KDELR2: variants seen among roughly 807,000 people sequenced by gnomAD.
The protein encoded by KDELR2 is KDEL endoplasmic reticulum protein retention receptor 2, also known as ER lumen protein-retaining receptor 2.
In KDELR2, 15 loss-of-function variants were observed where a neutral mutation model predicts 23.9. The observed-to-expected ratio is 0.63, with a 90% CI of 0.42 to 0.97. The LOEUF (loss-of-function observed/expected upper bound fraction) is 0.97. KDELR2 is among the 50% of genes least tolerant of loss of function. The probability of loss-of-function intolerance (pLI) is 0.00; values close to 1 mark genes in which losing one functional copy is unlikely to be tolerated. For missense variants in KDELR2, 272 were observed against 254.6 expected (o/e 1.07, Z -0.46); for synonymous variants, 119 against 106.2 (o/e 1.12, Z -0.74).
At chr7:6,466,034 G>A (rs1482358214) in intron 4 of KDELR2, 37 bp downstream of exon 4, 16 of 1,604,966 alleles carry the variant, frequency 1.0e-5, no homozygotes, top group South Asian at 3.3e-5. Context: ...AAAAGAACAC[G>A]TCACTCTAGA....
intron 2 of KDELR2, among the ~76,000 whole-genome samples, chr7:6,472,565 G>A (rs957309209): frequency 1.3e-5 from 2 of 152,096 alleles, no homozygotes; most frequent in African/African-American, 4.8e-5. Context: ...TTTTAAGTAA[G>A]CTCATTATTT....
intron 2 of KDELR2, among the ~76,000 whole-genome samples, chr7:6,473,496 G>A (rs1785694900): frequency 6.6e-6 from 1 of 152,132 alleles, no homozygotes; most frequent in African/African-American, 2.4e-5. Context: ...GTTAGGTGGT[G>A]TGCAAACATT....
intron 4 of KDELR2, among the ~76,000 whole-genome samples, chr7:6,464,197 C>CAAAAAAAAAAAA (rs758537707): frequency 2.6e-5 from 1 of 38,764 alleles, no homozygotes; most frequent in Non-Finnish European, 4.0e-5. Flanking sequence ...AACTCTGTCT[C>CAAAAAAAAAAAA]AAAAAAAAAA....
chr7:6,474,579 C>CAA (rs998891840), intron 1 of KDELR2, among the ~76,000 whole-genome samples: 4 of 152,190 alleles, frequency 2.6e-5, no homozygotes, highest in Admixed American at 2.0e-4. Context: ...TTTTACTTCT[C>CAA]AAATATATCA....
At position 6,462,458 on chromosome 7, in the gene KDELR2, G is replaced by A. The variant is rs1785409132; in HGVS notation, c.*683C>T. On this transcript the variant is annotated 3_prime_UTR_variant, in exon 5 of 5. Coordinates refer to ENST00000258739, the MANE Select transcript of KDELR2 (RefSeq NM_006854.4). ...AGTCTCCAACTGACACTTCCCAGCA[G>A]GGGAGGAGGGCAGGCACCTTTGGTG... is the stretch of plus-strand genomic sequence containing the variant. The A allele has an allele frequency of 6.4e-6, 1 of 156,300 alleles. No individual in the cohort carries two copies. Among genetic ancestry groups the A allele is most frequent in the Non-Finnish European group, 1.4e-5 (1 of 70,958 alleles). 9.7% of individuals were successfully genotyped at this position (156,300 alleles called of 1,614,324 possible). A position where few individuals can be genotyped will look rare whatever the true frequency, so the allele number is the denominator to read the frequency against.
intron 1 of KDELR2, among the ~76,000 whole-genome samples, chr7:6,476,323 C>T (rs1184833020): frequency 6.6e-6 from 1 of 151,904 alleles, no homozygotes; most frequent in Non-Finnish European, 1.5e-5. Flanking sequence ...TAGTCTTTTC[C>T]CCGTAACGGA....
At chr7:6,465,063 A>T (rs1331600977) in intron 4 of KDELR2, among the ~76,000 whole-genome samples, 1 of 147,344 alleles carries the variant, frequency 6.8e-6, no homozygotes, top group Admixed American at 6.9e-5. Context: ...TAGCAATTCC[A>T]CCATTAGGAA....
At chr7:6,476,326 G>C (rs144352868) in intron 1 of KDELR2, among the ~76,000 whole-genome samples, 1 of 151,948 alleles carries the variant, frequency 6.6e-6, no homozygotes, top group African/African-American at 2.4e-5. Context: ...TCTTTTCCCC[G>C]TAACGGATAA....
intron 1 of KDELR2, among the ~76,000 whole-genome samples, chr7:6,481,585 T>C (rs1053734015): frequency 1.7e-4 from 26 of 151,978 alleles, no homozygotes; most frequent in Admixed American, 1.6e-3. Flanking sequence ...CGCCGGGCAC[T>C]GTGGCTCACA....
At chr7:6,481,760 C>T (rs1216918139) in intron 1 of KDELR2, among the ~76,000 whole-genome samples, 1 of 152,008 alleles carries the variant, frequency 6.6e-6, no homozygotes, top group Non-Finnish European at 1.5e-5. Flanking sequence ...AACAAAAAAA[C>T]TAACATCATC....
intron 3 of KDELR2, 29 bp from the exon 4 acceptor site, chr7:6,466,352 C>G (rs199691648): frequency 7.5e-6 from 12 of 1,607,024 alleles, no homozygotes; most frequent in Non-Finnish European, 1.0e-5. Flanking sequence ...GCTTCCATCA[C>G]GACCCACTGC....
At chr7:6,471,460 G>A (rs972089796) in intron 2 of KDELR2, among the ~76,000 whole-genome samples, 3 of 152,254 alleles carry the variant, frequency 2.0e-5, no homozygotes, top group East Asian at 3.9e-4. Context: ...GATTACAGGC[G>A]TGAGCCACAG....
Position 6,466,105 on chromosome 7 carries a change from T to C in KDELR2, c.570A>G (p.Leu190=). 1.2e-6 allele frequency: 2 copies of C among 1,614,008 alleles called. No individual in the cohort carries two copies. Among genetic ancestry groups the C allele is most frequent in the Non-Finnish European group, 1.7e-6 (2 of 1,180,002 alleles). Residue 190 remains leucine (L), a synonymous_variant, in exon 4 of 5, where the codon CTA becomes CTG. Transcript: ENST00000258739. ...AVVAGVVQTI[L]YCDFFYLYIT... Reference sequence around the variant, plus strand: ...TGTACAAGTAGAAGAAGTCACAGTATAGGATGGTCTGGACTACGCCGGCCA... The same window carrying C: ...TGTACAAGTAGAAGAAGTCACAGTACAGGATGGTCTGGACTACGCCGGCCA...
chr7:6,465,510 T>C (rs2115322591), intron 4 of KDELR2, among the ~76,000 whole-genome samples: 1 of 151,984 alleles, frequency 6.6e-6, no homozygotes, highest in Middle Eastern at 3.4e-3. Flanking sequence ...TGAACAAGGA[T>C]GATAGCTTTC....
chr7:6,462,087 A>G lies in KDELR2; in HGVS notation c.*1054T>C, dbSNP rs1255712446. The G allele has an allele frequency of 6.6e-6, 1 of 152,312 alleles. No individual in the cohort carries two copies. The highest frequency in any genetic ancestry group is 2.1e-4 in the South Asian group (1 of 4,832). 9.4% of individuals were successfully genotyped at this position (152,312 alleles called of 1,614,324 possible). A position where few individuals can be genotyped will look rare whatever the true frequency, so the allele number is the denominator to read the frequency against. Reference sequence around the variant, plus strand: ...AAGTCATGCAACAGCTCTGTAAAACAAAACAAAACAAGAAACTACGATGTC... The same window carrying G: ...AAGTCATGCAACAGCTCTGTAAAACGAAACAAAACAAGAAACTACGATGTC... On this transcript the variant is annotated 3_prime_UTR_variant, in exon 5 of 5. Coordinates refer to ENST00000258739, the MANE Select transcript of KDELR2 (RefSeq NM_006854.4).
intron 2 of KDELR2, among the ~76,000 whole-genome samples, chr7:6,473,646 G>C (rs1480339534): frequency 6.6e-6 from 1 of 152,210 alleles, no homozygotes; most frequent in Non-Finnish European, 1.5e-5. Context: ...TGATGGTATA[G>C]AGATCATTTA....
intron 4 of KDELR2, among the ~76,000 whole-genome samples, chr7:6,465,199 TGA>T (rs1275331436): frequency 9.3e-5 from 14 of 149,972 alleles, no homozygotes; most frequent in African/African-American, 3.2e-4. Context: ...TTTTTTTTTT[TGA>T]GAGAGAGAGT....
At chr7:6,472,066 A>G (rs1785657875) in intron 2 of KDELR2, among the ~76,000 whole-genome samples, 1 of 152,060 alleles carries the variant, frequency 6.6e-6, no homozygotes, top group South Asian at 2.1e-4. Flanking sequence ...ACACCCAGCT[A>G]ATTTTTAGTA....
At chr7:6,464,203 A>T (rs1417101116) in intron 4 of KDELR2, among the ~76,000 whole-genome samples, 11 of 7,106 alleles carry the variant, frequency 1.5e-3, no homozygotes, top group African/African-American at 6.7e-3. Flanking sequence ...GTCTCAAAAA[A>T]AAAAAAAAAA....
Sources: gnomAD v4.1 joint callset for allele counts (sites outside exome capture counted in the v4.1 genomes callset) on GRCh38, gnomAD v4.1.1 for gene constraint, MANE v1.5 for transcripts, NCBI Gene and HGNC (gene_info 2026-07-23, HGNC 2026-07-21) for gene names.